Variants in GSTA4 observed in about 807,000 individuals in gnomAD.
GSTA4 encodes glutathione S-transferase alpha 4.
Under a neutral mutation model 24.4 loss-of-function variants are expected in GSTA4, and 15 were observed. The ratio of observed to expected loss-of-function variants is 0.61; its 90% CI spans 0.41 to 0.95. The LOEUF (loss-of-function observed/expected upper bound fraction) is 0.95, where lower values mean the gene tolerates loss of function less well. GSTA4 is among the 40% of genes least tolerant of loss of function. GSTA4 has a pLI of 0.00. For synonymous variants in GSTA4, 92 were observed against 94.2 expected (o/e 0.98, Z 0.13); for missense variants, 244 against 262.1 (o/e 0.93, Z 0.48).
chr6:52,993,956 G>A, intron 2 of GSTA4: 1 of 671,370 alleles, frequency 1.5e-6, no homozygotes, highest in East Asian at 2.9e-5. Context: ...TTAAGTAAAA[G>A]TCAAAAGGAA....
chr6:52,981,452 C>T (rs565044668), intron 6 of GSTA4, among the ~76,000 whole-genome samples: 11 of 152,286 alleles, frequency 7.2e-5, no homozygotes, highest in African/African-American at 2.6e-4. Flanking sequence ...ATCAGATCTA[C>T]TCAACTCTGC....
chr6:52,994,394 T>G (rs777563519), intron 1 of GSTA4, 133 bp from the exon 2 acceptor site: 6 of 550,964 alleles, frequency 1.1e-5, no homozygotes, highest in Non-Finnish European at 1.9e-5. Context: ...TTGCTGCATT[T>G]TCCCTCACTC....
rs370213786 is a variant in GSTA4, at chr6:52,980,505, T to G, written c.547-1913A>C. Reference sequence around the variant, plus strand: ...TTTTAGTAGAGATGGGGTTTCACCATGTTGGCCAGACTGGTCTTGAACTCC... The same window carrying G: ...TTTTAGTAGAGATGGGGTTTCACCAGGTTGGCCAGACTGGTCTTGAACTCC... On this transcript the variant is annotated intron_variant, in intron 6 of 6. Transcript: ENST00000370963. 2.0e-5 allele frequency among the ~76,000 whole-genome samples: 3 copies of G among 152,162 alleles called. No individual in the cohort carries two copies. The East Asian group carries it at 5.8e-4, about 29-fold the overall frequency.
At chr6:52,994,410 A>ATTTTTT in intron 1 of GSTA4, 149 bp from the exon 2 acceptor site, 1 of 550,170 alleles carries the variant, frequency 1.8e-6, no homozygotes, top group Admixed American at 3.1e-5. Context: ...CACTCAAGAA[A>ATTTTTT]AAAAAACCAC....
At chr6:52,978,616 T>C in intron 6 of GSTA4, 24 bp from the exon 7 acceptor site, 1 of 1,579,610 alleles carries the variant, frequency 6.3e-7, no homozygotes, top group South Asian at 1.2e-5. Context: ...ACCAAAACTT[T>C]AAGGCTAACA....
chr6:52,987,827 T>G (rs1763592207), intron 2 of GSTA4: 2 of 155,024 alleles, frequency 1.3e-5, no homozygotes. Context: ...ATGTTTGAGG[T>G]GGGTGATGGA....
At position 52,982,569 on chromosome 6, in the gene GSTA4, T is replaced by C. The variant is rs1054680820; in HGVS notation, c.546+5A>G. On this transcript the variant is annotated splice_donor_5th_base_variant and intron_variant, in intron 6 of 6. Coordinates refer to ENST00000370963, the MANE Select transcript of GSTA4 (RefSeq NM_001512.4). The stretch of plus-strand genomic sequence containing the variant: ...GCCAATCTTCTAATACATAGTTTTA[T>C]TTACCTGGAGGAAAGGAAATGCAGA... 3.7e-6 allele frequency: 6 copies of C among 1,605,452 alleles called. No individual in the cohort carries two copies. The highest frequency in any genetic ancestry group is 4.3e-6 in the Non-Finnish European group (5 of 1,175,088).
intron 6 of GSTA4, among the ~76,000 whole-genome samples, chr6:52,978,983 C>T (rs7740629): frequency 1.4e-4 from 22 of 151,952 alleles, no homozygotes; most frequent in African/African-American, 5.1e-4. Context: ...CATCAATCAC[C>T]GGTATCAAGA....
intron 2 of GSTA4, among the ~76,000 whole-genome samples, chr6:52,991,617 T>C (rs1763662262): frequency 6.6e-6 from 1 of 152,224 alleles, no homozygotes; most frequent in Non-Finnish European, 1.5e-5. Context: ...CACTTTACCA[T>C]GTTACCTCAA....
At chr6:52,992,321 G>T (rs1763675610) in intron 2 of GSTA4, among the ~76,000 whole-genome samples, 1 of 152,200 alleles carries the variant, frequency 6.6e-6, no homozygotes, top group Non-Finnish European at 1.5e-5. Context: ...TTGAATAACT[G>T]AAGAAATGAG....
intron 2 of GSTA4, among the ~76,000 whole-genome samples, chr6:52,988,516 C>T (rs1236419304): frequency 6.6e-6 from 1 of 151,232 alleles, no homozygotes; most frequent in Admixed American, 6.6e-5. Flanking sequence ...GCTAAAACAA[C>T]ACCAAAAATA....
Position 52,978,394 on chromosome 6 carries a change from T to G in GSTA4, c.*76A>C. 1 of 1,437,172 alleles carries G rather than the reference T, an allele frequency of 7.0e-7. No individual in the cohort carries two copies. Among genetic ancestry groups the G allele is most frequent in the Non-Finnish European group, 9.6e-7 (1 of 1,038,056 alleles). The allele number at this position is 1,437,172 out of a possible 1,614,324, so 89.0% of individuals were successfully genotyped here. On this transcript the variant is annotated 3_prime_UTR_variant, in exon 7 of 7. Coordinates refer to ENST00000370963, the MANE Select transcript of GSTA4 (RefSeq NM_001512.4). ...TACATAGATAGCACCATGACAGAGCTGGGATCCATTAAGACATGACTGTAG... is the reference window on the plus strand; with the variant it reads ...TACATAGATAGCACCATGACAGAGCGGGGATCCATTAAGACATGACTGTAG...
intron 2 of GSTA4, among the ~76,000 whole-genome samples, chr6:52,989,741 A>G (rs546187103): frequency 1.3e-5 from 2 of 152,342 alleles, no homozygotes; most frequent in South Asian, 4.1e-4. Flanking sequence ...TCCTGGATCA[A>G]TTGACAATTT....
At chr6:52,991,699 T>A (rs1309858375) in intron 2 of GSTA4, among the ~76,000 whole-genome samples, 1 of 150,172 alleles carries the variant, frequency 6.7e-6, no homozygotes, top group African/African-American at 2.5e-5. Context: ...CTTCCAAAAA[T>A]AAATGGCACT....
chr6:52,987,732 A>G (rs1763590446), intron 2 of GSTA4: 1 of 217,338 alleles, frequency 4.6e-6, no homozygotes, highest in Admixed American at 5.6e-5. Flanking sequence ...TCGATAGTAC[A>G]GTAGGCTATA....
intron 2 of GSTA4, among the ~76,000 whole-genome samples, chr6:52,989,926 C>T (rs974273381): frequency 2.0e-5 from 3 of 151,928 alleles, no homozygotes; most frequent in Non-Finnish European, 4.4e-5. Context: ...TCACTGCAGC[C>T]TCAACCTCCT....
At chr6:52,989,219 T>G (rs898157197) in intron 2 of GSTA4, among the ~76,000 whole-genome samples, 1 of 152,194 alleles carries the variant, frequency 6.6e-6, no homozygotes, top group Non-Finnish European at 1.5e-5. Flanking sequence ...TTTACCCCAT[T>G]GTTTAGCATA....
At chr6:52,986,087 G>A (rs150502216) in intron 3 of GSTA4, among the ~76,000 whole-genome samples, 436 of 152,112 alleles carry the variant, frequency 2.9e-3, no homozygotes, top group African/African-American at 7.9e-3. Flanking sequence ...TGTTATAAAC[G>A]TTCCCTTTTC....
chr6:52,979,079 A>T (rs1763400474), intron 6 of GSTA4, among the ~76,000 whole-genome samples: 1 of 152,202 alleles, frequency 6.6e-6, no homozygotes, highest in Non-Finnish European at 1.5e-5. Flanking sequence ...TCAAAATAGA[A>T]TTATGACACT....
Sources: allele counts gnomAD v4.1 joint callset (sites outside exome capture counted in the v4.1 genomes callset), GRCh38; gene constraint gnomAD v4.1.1; transcripts MANE v1.5; gene names NCBI Gene and HGNC (gene_info 2026-07-23, HGNC 2026-07-21).